The following LRRTM4 variants were observed in gnomAD, a reference collection of about 807,000 sequenced individuals.
LRRTM4 encodes leucine-rich repeat transmembrane neuronal protein 4.
A neutral mutation model predicts 47.6 loss-of-function variants in LRRTM4; 25 were observed. The observed-to-expected ratio is 0.53, with a 90% CI of 0.38 to 0.73. The LOEUF is 0.73. Ranked by LOEUF, LRRTM4 falls within the 30% of genes least tolerant of loss-of-function variation. LRRTM4 has a pLI of 0.00. For missense variants in LRRTM4, 638 were observed against 713.4 expected (o/e 0.89, Z 1.20); for synonymous variants, 311 against 269.5 (o/e 1.15, Z -1.51).
chr2:77,453,830 C>G (rs572035716), intron 3 of LRRTM4, among the ~76,000 whole-genome samples: 12 of 152,136 alleles, frequency 7.9e-5, no homozygotes, highest in Admixed American at 4.6e-4. Flanking sequence ...TTAATTTATA[C>G]TTTCATAATA....
chr2:76,790,083 C>G (rs1172431570), intron 3 of LRRTM4, among the ~76,000 whole-genome samples: 1 of 152,168 alleles, frequency 6.6e-6, no homozygotes, highest in African/African-American at 2.4e-5. Context: ...TCACCACTGT[C>G]TGAGATCTTT....
At chr2:76,963,505 T>G (rs1269950445) in intron 3 of LRRTM4, among the ~76,000 whole-genome samples, 1 of 150,986 alleles carries the variant, frequency 6.6e-6, no homozygotes, top group South Asian at 2.1e-4. Context: ...TGAAAAAATA[T>G]TTGATTCAGA....
intron 3 of LRRTM4, among the ~76,000 whole-genome samples, chr2:77,492,335 C>T (rs992762956): frequency 2.0e-5 from 3 of 152,104 alleles, no homozygotes; most frequent in Non-Finnish European, 4.4e-5. Flanking sequence ...ACATAGCTGA[C>T]TGTCACCTCG....
intron 3 of LRRTM4, among the ~76,000 whole-genome samples, chr2:77,257,865 A>T (rs887932609): frequency 1.3e-5 from 2 of 151,952 alleles, no homozygotes; most frequent in African/African-American, 4.8e-5. Context: ...GGAAATATAA[A>T]TTAAGACAAT....
intron 3 of LRRTM4, among the ~76,000 whole-genome samples, chr2:77,105,253 TA>T (rs1472201325): frequency 9.9e-5 from 15 of 152,152 alleles, no homozygotes; most frequent in Non-Finnish European, 1.5e-4. Context: ...TTTGTGGATT[TA>T]AAAAGAAATT....
At chr2:76,791,237 A>C (rs1674954377) in intron 3 of LRRTM4, among the ~76,000 whole-genome samples, 1 of 152,168 alleles carries the variant, frequency 6.6e-6, no homozygotes, top group African/African-American at 2.4e-5. Flanking sequence ...AACGTGACTC[A>C]AAGACAGGTG....
chr2:77,340,140 C>T (rs1309492762), intron 3 of LRRTM4, among the ~76,000 whole-genome samples: 1 of 151,814 alleles, frequency 6.6e-6, no homozygotes. Context: ...ATTTTCTTTT[C>T]ACTAGGTAAT....
chr2:77,000,219 A>G (rs940274227), intron 3 of LRRTM4, among the ~76,000 whole-genome samples: 1 of 152,078 alleles, frequency 6.6e-6, no homozygotes, highest in African/African-American at 2.4e-5. Flanking sequence ...ACAGCTGGAC[A>G]CAGGAGAATG....
intron 3 of LRRTM4, among the ~76,000 whole-genome samples, chr2:77,439,480 T>G (rs1480323999): frequency 6.6e-6 from 1 of 152,138 alleles, no homozygotes; most frequent in East Asian, 1.9e-4. Context: ...CTGAAACTAT[T>G]AACTCAGTTT....
chr2:77,384,559 C>A (rs1430148445), intron 3 of LRRTM4, among the ~76,000 whole-genome samples: 5 of 151,730 alleles, frequency 3.3e-5, no homozygotes, highest in Admixed American at 3.3e-4. Flanking sequence ...CAGGTTTATA[C>A]TAAGATCCTC....
chr2:77,496,502 C>A (rs1678369545), intron 3 of LRRTM4, among the ~76,000 whole-genome samples: 1 of 151,752 alleles, frequency 6.6e-6, no homozygotes, highest in African/African-American at 2.4e-5. Flanking sequence ...AAGTTCCCTG[C>A]TATTCCTATT....
At chr2:77,216,631 T>C (rs1439719) in intron 3 of LRRTM4, among the ~76,000 whole-genome samples, 65,980 of 152,104 alleles carry the variant, frequency 0.43, 16,802 homozygotes, top group Non-Finnish European at 0.56. Flanking sequence ...AGATAGCTTG[T>C]TCACCTAAGC....
chr2:77,376,362 T>G (rs1267517524), intron 3 of LRRTM4, among the ~76,000 whole-genome samples: 1 of 151,732 alleles, frequency 6.6e-6, no homozygotes, highest in Non-Finnish European at 1.5e-5. Flanking sequence ...AAACCAGTAT[T>G]GCTATGCTAC....
Position 77,519,180 on chromosome 2 carries a change from T to C in LRRTM4, c.689A>G (p.Asn230Ser). 1 of 1,613,146 alleles carries C rather than the reference T, an allele frequency of 6.2e-7. No individual in the cohort carries two copies. Among genetic ancestry groups the C allele is most frequent in the Non-Finnish European group, 8.5e-7 (1 of 1,179,558 alleles). The change falls in exon 3 of 4, where the codon AAC (asparagine) becomes AGC (serine). Residue 230 changes from asparagine (N) to serine (S), a missense_variant. Asn to Ser is a conservative substitution (Grantham distance 46, BLOSUM62 1). Coordinates refer to ENST00000409884, the MANE Select transcript of LRRTM4 (RefSeq NM_001134745.3). This position sits in a 1 kb window ranked among gnomAD's most constrained non-coding sequence, Gnocchi z 4.6. ...INFAHFPRLF[N>S]LRSIYLQWNR... The stretch of plus-strand genomic sequence containing the variant: ...CCATTGTAAGTAAATTGAGCGGAGG[T>C]TGAAGAGACGTGGAAAATGAGCAAA...
intron 3 of LRRTM4, among the ~76,000 whole-genome samples, chr2:77,064,437 G>A (rs565682835): frequency 6.6e-6 from 1 of 152,194 alleles, no homozygotes; most frequent in Admixed American, 6.5e-5. Flanking sequence ...TTTGAAAGTA[G>A]ATTTCAAAGT....
At chr2:77,053,051 G>C (rs1679492021) in intron 3 of LRRTM4, among the ~76,000 whole-genome samples, 1 of 152,090 alleles carries the variant, frequency 6.6e-6, no homozygotes, top group African/African-American at 2.4e-5. Flanking sequence ...ATGGAAAGCA[G>C]CTGTGTGAAA....
chr2:77,299,916 A>G (rs1677084841), intron 3 of LRRTM4, among the ~76,000 whole-genome samples: 1 of 147,692 alleles, frequency 6.8e-6, no homozygotes, highest in Non-Finnish European at 1.5e-5. Flanking sequence ...CAGTGGCGCA[A>G]TCTCGGCTCA....
intron 3 of LRRTM4, among the ~76,000 whole-genome samples, chr2:76,928,492 T>C (rs1169480390): frequency 6.6e-6 from 1 of 152,124 alleles, no homozygotes; most frequent in Admixed American, 6.6e-5. Context: ...GGATTTTTGA[T>C]GATATAGAAC....
At chr2:77,295,216 T>G (rs1676936728) in intron 3 of LRRTM4, among the ~76,000 whole-genome samples, 1 of 152,286 alleles carries the variant, frequency 6.6e-6, no homozygotes, top group South Asian at 2.1e-4. Context: ...TTTTACTTAT[T>G]ACTTTAAGAA....
Sources: gnomAD v4.1 joint callset for allele counts (sites outside exome capture counted in the v4.1 genomes callset) on GRCh38, gnomAD v4.1.1 for gene constraint, Gnocchi (gnomAD v3.1) non-coding constraint, MANE v1.5 for transcripts, NCBI Gene and HGNC (gene_info 2026-07-23, HGNC 2026-07-21) for gene names.